AGXT2: variants seen among roughly 807,000 people sequenced by gnomAD.
AGXT2 encodes the protein alanine--glyoxylate aminotransferase 2, also known as alanine--glyoxylate aminotransferase 2, mitochondrial.
In AGXT2, 61 loss-of-function variants were observed where a neutral mutation model predicts 62.5. The observed-to-expected ratio is 0.98, with a 90% CI of 0.79 to 1.21. The LOEUF is 1.21. Among genes scored for constraint, AGXT2 ranks in the 50% most tolerant of loss-of-function variants. AGXT2 has a pLI of 0.00. For missense variants in AGXT2, 666 were observed against 641.5 expected, an observed-to-expected ratio of 1.04 and a Z score of -0.41; for synonymous variants, 243 against 218.7, an observed-to-expected ratio of 1.11 and a Z score of -0.98.
intron 1 of AGXT2, among the ~76,000 whole-genome samples, chr5:35,041,170 A>G (rs1767971586): frequency 6.7e-6 from 1 of 148,676 alleles, no homozygotes; most frequent in African/African-American, 2.5e-5. Context: ...TAGACAATAT[A>G]CTAGACTAAT....
chr5:35,021,892 C>T (rs1767108221), intron 9 of AGXT2, among the ~76,000 whole-genome samples: 1 of 152,170 alleles, frequency 6.6e-6, no homozygotes, highest in African/African-American at 2.4e-5. Flanking sequence ...AAACAAACTA[C>T]CCCATCAACA....
chr5:35,013,799 AAGG>A (rs1310728266), intron 10 of AGXT2, among the ~76,000 whole-genome samples, 185 bp downstream of exon 10: 1 of 127,298 alleles, frequency 7.9e-6, no homozygotes, highest in African/African-American at 4.0e-5. Flanking sequence ...AAAAAAAAAA[AAGG>A]GCTGGCTTTC....
chr5:35,025,034 A>T (rs183565345), intron 9 of AGXT2, among the ~76,000 whole-genome samples: 3 of 152,284 alleles, frequency 2.0e-5, no homozygotes, highest in African/African-American at 7.2e-5. Context: ...AGAAAGGTAT[A>T]TGCTGCCAGG....
chr5:35,030,465 G>A (rs771487383), intron 7 of AGXT2, among the ~76,000 whole-genome samples: 32 of 152,014 alleles, frequency 2.1e-4, no homozygotes, highest in Non-Finnish European at 4.3e-4. Context: ...CCGAGATCGC[G>A]CCATTGCACT....
intron 10 of AGXT2, 23 bp downstream of exon 10, chr5:35,013,962 AAC>A (rs1766744988): frequency 4.3e-6 from 7 of 1,613,840 alleles, no homozygotes; most frequent in Non-Finnish European, 5.1e-6. Context: ...CCCAGAAGCA[AAC>A]ACAAACTGCC....
chr5:35,015,269 T>C (rs58446562), intron 9 of AGXT2, among the ~76,000 whole-genome samples: 2,762 of 152,296 alleles, frequency 0.018, 79 homozygotes, highest in African/African-American at 0.064. Context: ...TATTCCATTC[T>C]GTATCCATAA....
intron 1 of AGXT2, among the ~76,000 whole-genome samples, chr5:35,044,648 C>T (rs1409261731): frequency 2.0e-5 from 3 of 152,220 alleles, no homozygotes; most frequent in Non-Finnish European, 4.4e-5. Flanking sequence ...GCTGCCCTCC[C>T]TCCTTCCCTC....
chr5:35,017,937 C>T (rs139091528), intron 9 of AGXT2, among the ~76,000 whole-genome samples: 1,962 of 152,054 alleles, frequency 0.013, 23 homozygotes, highest in Non-Finnish European at 0.018. Flanking sequence ...CAGAAGCCTC[C>T]GGAGCTGATG....
At chr5:35,013,947 C>T (rs567919307) in intron 10 of AGXT2, 40 bp downstream of exon 10, 45 of 1,613,542 alleles carry the variant, frequency 2.8e-5, no homozygotes, top group Admixed American at 2.0e-4. Context: ...GCCCAATGTA[C>T]GAGGCCCAGA....
At chr5:35,024,505 C>T (rs542596738) in intron 9 of AGXT2, among the ~76,000 whole-genome samples, 4 of 152,172 alleles carry the variant, frequency 2.6e-5, no homozygotes, top group East Asian at 1.9e-4. Flanking sequence ...ACATAGCCAA[C>T]GAATTTTCTT....
At chr5:35,041,996 C>A (rs1768008019) in intron 1 of AGXT2, among the ~76,000 whole-genome samples, 1 of 152,104 alleles carries the variant, frequency 6.6e-6, no homozygotes, top group Non-Finnish European at 1.5e-5. Context: ...AAAAGCTTTT[C>A]ATTGTGTCTC....
intron 5 of AGXT2, 135 bp from the exon 6 acceptor site, chr5:35,033,688 C>T (rs1377056963): frequency 5.6e-6 from 4 of 713,792 alleles, no homozygotes; most frequent in Non-Finnish European, 1.0e-5. Context: ...AAGAACGCAT[C>T]TAAGCTTATG....
At chr5:35,028,023 G>A (rs1362168722) in intron 7 of AGXT2, among the ~76,000 whole-genome samples, 1 of 151,704 alleles carries the variant, frequency 6.6e-6, no homozygotes, top group Non-Finnish European at 1.5e-5. Flanking sequence ...CTTTGTGGCA[G>A]GGGAGGGTTT....
rs572687614 is a variant in AGXT2, at chr5:35,019,710, G to A, written c.964-5591C>T. On this transcript the variant is annotated intron_variant, in intron 9 of 13. Transcript: ENST00000231420. ...ACATTCAAAAGCTAGAAGAAGGCAA[G>A]AAATAACTAAAATCAACAGAACTGA... 2.0e-5 allele frequency among the ~76,000 whole-genome samples: 3 copies of A among 152,114 alleles called. No homozygotes were observed. The East Asian group carries it at 5.8e-4, about 29-fold the overall frequency.
At chr5:35,040,948 C>T (rs1333468051) in intron 1 of AGXT2, among the ~76,000 whole-genome samples, 8 of 152,022 alleles carry the variant, frequency 5.3e-5, no homozygotes, top group African/African-American at 1.4e-4. Context: ...TTACCCTCAC[C>T]GTGTCGATTC....
At chr5:35,015,352 T>C (rs77864507) in intron 9 of AGXT2, among the ~76,000 whole-genome samples, 1,738 of 152,296 alleles carry the variant, frequency 0.011, 35 homozygotes, top group African/African-American at 0.04. Context: ...GGTGGCAGAA[T>C]TGCCTGATTA....
Position 35,025,745 on chromosome 5 carries a change from C to G in AGXT2, c.963+18G>C, listed in dbSNP as rs1767311459. On this transcript the variant is annotated intron_variant, in intron 9 of 13. Coordinates refer to ENST00000231420, the MANE Select transcript of AGXT2 (RefSeq NM_031900.4). ...CCTGTTCCCACTGCACTCAATGGCA[C>G]CCTTACATGCCACTTACTTCATCTG... 6.2e-7 allele frequency: 1 copy of G among 1,612,498 alleles called. No individual in the cohort carries two copies. The highest frequency in any genetic ancestry group is 8.5e-7 in the Non-Finnish European group (1 of 1,178,596).
intron 11 of AGXT2, among the ~76,000 whole-genome samples, chr5:35,010,493 TAG>T (rs1766592565): frequency 6.6e-6 from 1 of 151,550 alleles, no homozygotes; most frequent in Admixed American, 6.6e-5. Context: ...GCCTGGCCAA[TAG>T]GGTGAAACCC....
At chr5:35,009,852 CT>C in intron 12 of AGXT2, 147 bp downstream of exon 12, 1 of 1,059,030 alleles carries the variant, frequency 9.4e-7, no homozygotes, top group South Asian at 1.4e-5. Flanking sequence ...ATACTCAACA[CT>C]CTCTACTAAT....
Sources: allele counts gnomAD v4.1 joint callset (sites outside exome capture counted in the v4.1 genomes callset), GRCh38; gene constraint gnomAD v4.1.1; transcripts MANE v1.5; gene names NCBI Gene and HGNC (gene_info 2026-07-23, HGNC 2026-07-21).